PDE10A: variants seen among roughly 807,000 people sequenced by gnomAD.
The protein encoded by PDE10A is phosphodiesterase 10A, also known as cAMP and cAMP-inhibited cGMP 3',5'-cyclic phosphodiesterase 10A.
PDE10A carries 39 observed loss-of-function variants against 97.7 expected under a neutral mutation model. The observed-to-expected ratio is 0.40, with a 90% CI of 0.31 to 0.52. The LOEUF (loss-of-function observed/expected upper bound fraction) is 0.52. Ranked by LOEUF, PDE10A falls within the 20% of genes least tolerant of loss-of-function variation. The pLI is 0.56. For missense variants in PDE10A, 731 were observed against 1,047.8 expected, an observed-to-expected ratio of 0.70 and a Z score of 4.17; for synonymous variants, 371 against 376.8, an observed-to-expected ratio of 0.98 and a Z score of 0.18.
chr6:165,743,157 C>T (rs746971101), intron 1 of PDE10A, among the ~76,000 whole-genome samples: 24 of 152,276 alleles, frequency 1.6e-4, no homozygotes, highest in Non-Finnish European at 2.5e-4. Context: ...AATTACTATC[C>T]TAGGCCTTAG....
At chr6:165,981,328 T>A (rs1475047595) in intron 1 of PDE10A, among the ~76,000 whole-genome samples, 4 of 152,186 alleles carry the variant, frequency 2.6e-5, no homozygotes, top group Non-Finnish European at 5.9e-5. Flanking sequence ...TACCCCTCAT[T>A]TGGTTCCTTT....
intron 1 of PDE10A, among the ~76,000 whole-genome samples, chr6:165,552,284 A>C (rs1182796467): frequency 2.0e-5 from 3 of 152,202 alleles, no homozygotes; most frequent in Non-Finnish European, 4.4e-5. Flanking sequence ...TGGGCAGAAA[A>C]GGGGTTAACA....
At chr6:165,879,825 T>C (rs1421643550) in intron 1 of PDE10A, among the ~76,000 whole-genome samples, 1 of 152,166 alleles carries the variant, frequency 6.6e-6, no homozygotes, top group Non-Finnish European at 1.5e-5. Flanking sequence ...AAATCCGTGG[T>C]TGGTAGAATG....
chr6:165,482,599 G>C (rs560515472), intron 2 of PDE10A, among the ~76,000 whole-genome samples: 1 of 152,142 alleles, frequency 6.6e-6, no homozygotes, highest in Non-Finnish European at 1.5e-5. Context: ...AAATGGATAT[G>C]ATATGCCTGC....
At chr6:165,741,352 T>A (rs1298571868) in intron 1 of PDE10A, among the ~76,000 whole-genome samples, 5 of 152,202 alleles carry the variant, frequency 3.3e-5, no homozygotes. Context: ...TAATCCACTT[T>A]TATTGGTCTT....
intron 18 of PDE10A, among the ~76,000 whole-genome samples, chr6:165,367,803 AAAAAACAAAAAC>A (rs956419207): frequency 2.6e-5 from 4 of 151,722 alleles, no homozygotes; most frequent in Admixed American, 6.6e-5. Context: ...TTAGATTAAA[AAAAAACAAAAAC>A]AAAAAACAAA....
intron 1 of PDE10A, among the ~76,000 whole-genome samples, chr6:165,839,557 T>C (rs1780156872): frequency 6.6e-6 from 1 of 151,842 alleles, no homozygotes; most frequent in African/African-American, 2.4e-5. Context: ...AAGATGAGAG[T>C]GCTCTCTACG....
At chr6:165,985,113 CG>C (rs879478658) in intron 1 of PDE10A, among the ~76,000 whole-genome samples, 15 of 152,232 alleles carry the variant, frequency 9.9e-5, no homozygotes, top group Non-Finnish European at 2.1e-4. Flanking sequence ...AGGAAGGAAT[CG>C]GTCACACAAA....
intron 2 of PDE10A, among the ~76,000 whole-genome samples, chr6:165,489,094 G>A (rs1562514782): frequency 6.6e-6 from 1 of 152,114 alleles, no homozygotes; most frequent in Non-Finnish European, 1.5e-5. Flanking sequence ...TACAACCTCA[G>A]CTGATGCACT....
intron 1 of PDE10A, among the ~76,000 whole-genome samples, chr6:165,861,114 G>A (rs534973819): frequency 1.3e-5 from 2 of 152,316 alleles, no homozygotes; most frequent in Middle Eastern, 3.4e-3. Flanking sequence ...GTTCAGGCCC[G>A]TATTGCAACC....
intron 1 of PDE10A, among the ~76,000 whole-genome samples, chr6:165,571,014 T>C (rs192091378): frequency 9.2e-5 from 14 of 152,268 alleles, no homozygotes; most frequent in African/African-American, 2.9e-4. Flanking sequence ...AATGAGCAAA[T>C]ACAAAATTCA....
chr6:165,972,220 G>C (rs1230037900), intron 1 of PDE10A, among the ~76,000 whole-genome samples: 1 of 152,168 alleles, frequency 6.6e-6, no homozygotes, highest in Non-Finnish European at 1.5e-5. Context: ...CTCTGTGGTA[G>C]AAGGTGGGGA....
intron 1 of PDE10A, among the ~76,000 whole-genome samples, chr6:165,642,746 C>T (rs1295806382): frequency 2.0e-5 from 3 of 152,234 alleles, no homozygotes; most frequent in Non-Finnish European, 1.5e-5. Flanking sequence ...AGGTAATTCG[C>T]TCACATCCAG....
chr6:165,809,736 A>G (rs1779228439), intron 1 of PDE10A, among the ~76,000 whole-genome samples: 1 of 152,142 alleles, frequency 6.6e-6, no homozygotes, highest in South Asian at 2.1e-4. Context: ...AGAAAGTCAC[A>G]CTGCATGGTC....
At chr6:165,387,801 G>A (rs1785410421) in intron 17 of PDE10A, among the ~76,000 whole-genome samples, 1 of 152,188 alleles carries the variant, frequency 6.6e-6, no homozygotes, top group South Asian at 2.1e-4. Context: ...AAGAAAGAAG[G>A]AGCGTATATA....
chr6:165,854,110 C>T (rs1780646737), intron 1 of PDE10A, among the ~76,000 whole-genome samples: 1 of 152,170 alleles, frequency 6.6e-6, no homozygotes, highest in Non-Finnish European at 1.5e-5. Flanking sequence ...GGGGGAAGCC[C>T]GTGGGCGGTG....
chr6:165,366,675 A>G (rs545577657), intron 18 of PDE10A, among the ~76,000 whole-genome samples: 1 of 152,328 alleles, frequency 6.6e-6, no homozygotes, highest in South Asian at 2.1e-4. Flanking sequence ...TGGGGATGTC[A>G]GAGCACACAC....
intron 1 of PDE10A, among the ~76,000 whole-genome samples, chr6:165,688,052 C>T (rs538921579): frequency 6.6e-6 from 1 of 152,364 alleles, no homozygotes; most frequent in South Asian, 2.1e-4. Context: ...AATGGAGGGA[C>T]CACGTGGTGT....
At chr6:165,645,853 C>A (rs372942289) in intron 1 of PDE10A, among the ~76,000 whole-genome samples, 124 of 101,164 alleles carry the variant, frequency 1.2e-3, no homozygotes, top group South Asian at 1.7e-3. Context: ...GACTCCATCT[C>A]AAAAAAAAAA....
Sources: allele counts gnomAD v4.1 joint callset (sites outside exome capture counted in the v4.1 genomes callset), GRCh38; gene constraint gnomAD v4.1.1; transcripts MANE v1.5; gene names NCBI Gene and HGNC (gene_info 2026-07-23, HGNC 2026-07-21).